Variants in LPA observed in about 807,000 individuals in gnomAD.
LPA encodes the protein apolipoprotein(a).
LPA carries 199 observed loss-of-function variants against 197.9 expected under a neutral mutation model. The ratio of observed to expected loss-of-function variants is 1.01; its 90% CI spans 0.90 to 1.13. LPA has a LOEUF of 1.13. Among genes scored for constraint, LPA ranks in the 50% most tolerant of loss-of-function variants. The probability of loss-of-function intolerance (pLI) is 0.00; values close to 1 mark genes in which losing one functional copy is unlikely to be tolerated. For synonymous variants in LPA, 715 were observed against 639.5 expected, an observed-to-expected ratio of 1.12 and a Z score of -1.78; for missense variants, 1,853 against 1,785.8, an observed-to-expected ratio of 1.04 and a Z score of -0.68.
At chr6:160,566,894 A>G (rs1401675598) in intron 28 of LPA, among the ~76,000 whole-genome samples, 1 of 152,238 alleles carries the variant, frequency 6.6e-6, no homozygotes, top group Non-Finnish European at 1.5e-5. Flanking sequence ...AAAGAGACAA[A>G]GAAGGCCATT....
At chr6:160,535,272 G>C (rs1376914487) in intron 37 of LPA, among the ~76,000 whole-genome samples, 1 of 12,262 alleles carries the variant, frequency 8.2e-5, no homozygotes, top group African/African-American at 3.1e-4. Flanking sequence ...TGGTGATGAT[G>C]GTGGTGATGG....
rs41265936 is a variant in LPA at position 160,542,742 on chromosome 6, C to T, written c.5465G>A (p.Gly1822Glu). The change falls in exon 34 of 39, where the codon GGG becomes GAG. Residue 1822 changes from glycine to glutamate, a missense_variant. Around this residue, in one of 3 missense-constraint regions of LPA, gnomAD observed 1,737 missense variants for 1,504.4 expected, o/e 1.15. Transcript: ENST00000316300. Reference sequence around the variant, plus strand: ...GGAATGTGGGTGGGCCACACACCCCCCTACAATGCTTCCAGGACATTTCTT... The same window carrying T: ...GGAATGTGGGTGGGCCACACACCCCTCTACAATGCTTCCAGGACATTTCTT... The part of the protein sequence containing the change: ...EPKKCPGSIV[G>E]GCVAHPHSWP... 1.6e-4 allele frequency: 254 copies of T among 1,613,944 alleles called. No individual in the cohort carries two copies. The highest frequency in any genetic ancestry group is 1.7e-4 in the Admixed American group (10 of 60,000).
At chr6:160,553,471 TGTTTTGGCTGGACATGTCGTCCTAG>T (rs1305000124) in intron 30 of LPA, among the ~76,000 whole-genome samples, 1 of 152,190 alleles carries the variant, frequency 6.6e-6, no homozygotes, top group Non-Finnish European at 1.5e-5. Flanking sequence ...TTTATTTGTT[TGTTTTGGCTGGACATGTCGTCCTAG>T]GTTGATCTGT....
intron 4 of LPA, among the ~76,000 whole-genome samples, chr6:160,643,083 A>ATT (rs1332336973): frequency 1.5e-5 from 2 of 131,070 alleles, no homozygotes; most frequent in African/African-American, 5.6e-5. Flanking sequence ...GTGTGTTTTC[A>ATT]GTGTGTGTGT....
At chr6:160,584,865 G>A (rs936722795) in intron 26 of LPA, among the ~76,000 whole-genome samples, 181 bp downstream of exon 26, 5 of 152,092 alleles carry the variant, frequency 3.3e-5, no homozygotes, top group African/African-American at 9.7e-5. Flanking sequence ...ATGAAAGATA[G>A]CAATCCTAAA....
intron 20 of LPA, among the ~76,000 whole-genome samples, chr6:160,596,198 C>T (rs1487192057): frequency 1.3e-5 from 2 of 152,194 alleles, no homozygotes; most frequent in Non-Finnish European, 2.9e-5. Flanking sequence ...TCCTCTGTTA[C>T]TCCAGATGGT....
intron 30 of LPA, among the ~76,000 whole-genome samples, chr6:160,553,954 T>C (rs12204067): frequency 7.6e-4 from 100 of 130,800 alleles, no homozygotes; most frequent in Non-Finnish European, 1.4e-3. Context: ...TGTGTGTGTG[T>C]GCGCGCGCGC....
chr6:160,586,685 C>G (rs990608121), intron 24 of LPA, 55 bp from the exon 25 acceptor site: 1 of 1,610,956 alleles, frequency 6.2e-7, no homozygotes. Flanking sequence ...TACAGCACCA[C>G]CTGGCACCCT....
intron 23 of LPA, 24 bp downstream of exon 23, chr6:160,590,920 G>A (rs763044981): frequency 2.0e-5 from 32 of 1,613,696 alleles, no homozygotes; most frequent in Admixed American, 8.3e-5. Context: ...CAAGGGTGTG[G>A]TTGTCTGGCC....
intron 37 of LPA, among the ~76,000 whole-genome samples, chr6:160,533,379 A>G (rs1449115568): frequency 2.0e-5 from 3 of 152,228 alleles, no homozygotes; most frequent in Non-Finnish European, 4.4e-5. Context: ...CAACGGTCCT[A>G]TGAAACAGGC....
chr6:160,601,176 T>A, intron 18 of LPA, 78 bp from the exon 19 acceptor site: 1 of 1,255,770 alleles, frequency 8.0e-7, no homozygotes, highest in South Asian at 1.2e-5. Context: ...TACAACAAGG[T>A]CATTACTGGT....
At chr6:160,594,139 T>G in intron 21 of LPA, 22 bp from the exon 22 acceptor site, 1 of 1,613,490 alleles carries the variant, frequency 6.2e-7, no homozygotes, top group Admixed American at 1.7e-5. Flanking sequence ...AGAGGAGAAA[T>G]CAAGCTGAGT....
At chr6:160,585,714 T>A (rs929061809) in intron 25 of LPA, among the ~76,000 whole-genome samples, 2 of 152,044 alleles carry the variant, frequency 1.3e-5, no homozygotes, top group Admixed American at 6.6e-5. Flanking sequence ...TAAAGACACA[T>A]TGCCTCTCAG....
chr6:160,584,495 C>A (rs921604612), intron 26 of LPA, among the ~76,000 whole-genome samples: 1 of 151,732 alleles, frequency 6.6e-6, no homozygotes, highest in African/African-American at 2.4e-5. Context: ...CCATGACCGG[C>A]TAATTTTTTA....
rs1298684803 is a variant in LPA at position 160,595,597 on chromosome 6, C to T, written c.3288-62G>A. The T allele has an allele frequency of 1.3e-5, 21 of 1,611,610 alleles. No homozygotes were observed. In the East Asian group the frequency reaches 1.6e-4, roughly 12 times the overall value. ...GGAGAAGATTCAAGGGCACTTAGCG[C>T]CCTCTACATTTTGCTGTAACAAAGT... On this transcript the variant is annotated intron_variant, in intron 20 of 38. Transcript: ENST00000316300.
At chr6:160,569,992 C>T (rs1490190686) in intron 28 of LPA, among the ~76,000 whole-genome samples, 1 of 152,120 alleles carries the variant, frequency 6.6e-6, no homozygotes, top group East Asian at 1.9e-4. Context: ...ACAACAGATG[C>T]TAGAGAGGAT....
Position 160,594,088 on chromosome 6 carries a change from C to G in LPA, c.3499G>C (p.Asp1167His). The change falls in exon 22 of 39, where the codon GAT becomes CAT. Residue 1167 changes from aspartate to histidine, a missense_variant. Transcript: ENST00000316300. ...CTCTGTCCATCACCATGGTAGCAAT[C>G]CTGGACCCCGGGGCTTTGCTCCGTT... ...APTEQSPGVQDCYHGDGQSYR... is the reference protein window; with the variant it reads ...APTEQSPGVQHCYHGDGQSYR... 6.2e-7 allele frequency: 1 copy of G among 1,613,906 alleles called. No individual in the cohort carries two copies. Among genetic ancestry groups the G allele is most frequent in the African/African-American group, 1.3e-5 (1 of 75,012 alleles).
intron 33 of LPA, among the ~76,000 whole-genome samples, chr6:160,544,077 A>T (rs1313129597): frequency 1.3e-5 from 2 of 152,132 alleles, no homozygotes; most frequent in Non-Finnish European, 2.9e-5. Flanking sequence ...TACATCCTCA[A>T]TGTGGGTGAG....
In LPA at chr6:160,586,435, T is replaced by G. The variant is rs1182508593; in HGVS notation, c.4129+14A>C. 1 of 1,613,220 alleles carries G rather than the reference T, an allele frequency of 6.2e-7. No individual in the cohort carries two copies. Among genetic ancestry groups the G allele is most frequent in the Non-Finnish European group, 8.5e-7 (1 of 1,179,290 alleles). On this transcript the variant is annotated intron_variant, in intron 25 of 38. Coordinates refer to ENST00000316300, the MANE Select transcript of LPA (RefSeq NM_005577.4). Reference sequence around the variant, plus strand: ...ATGTCCGAGGGTATGGTTGTCTGACTGCAGGCTTCTTACCTTCTTCAGAAG... The same window carrying G: ...ATGTCCGAGGGTATGGTTGTCTGACGGCAGGCTTCTTACCTTCTTCAGAAG...
Sources: allele counts gnomAD v4.1 joint callset (sites outside exome capture counted in the v4.1 genomes callset), GRCh38; gene constraint gnomAD v4.1.1; regional missense constraint gnomAD v4.1.1; transcripts MANE v1.5; gene names NCBI Gene and HGNC (gene_info 2026-07-23, HGNC 2026-07-21).